ABAT: variants seen among roughly 807,000 people sequenced by gnomAD.
The protein encoded by ABAT is 4-aminobutyrate aminotransferase, mitochondrial.
A neutral mutation model predicts 64.6 loss-of-function variants in ABAT; 45 were observed. The observed-to-expected ratio is 0.70, with a 90% CI of 0.55 to 0.89. The LOEUF (loss-of-function observed/expected upper bound fraction) is 0.89, where lower values mean the gene tolerates loss of function less well. ABAT is among the 40% of genes least tolerant of loss of function. ABAT has a pLI of 0.00. For synonymous variants in ABAT, 297 were observed against 250.5 expected (o/e 1.19, Z -1.75); for missense variants, 633 against 658.4 (o/e 0.96, Z 0.42).
At chr16:8,765,120 C>A (rs915299458) in intron 8 of ABAT, among the ~76,000 whole-genome samples, 3 of 151,922 alleles carry the variant, frequency 2.0e-5, no homozygotes, top group Admixed American at 2.0e-4. Context: ...TCACTTGAGC[C>A]CAGGAGCTCG....
chr16:8,728,513 G>A (rs1160164760), intron 1 of ABAT, among the ~76,000 whole-genome samples: 1 of 152,026 alleles, frequency 6.6e-6, no homozygotes, highest in Non-Finnish European at 1.5e-5. Flanking sequence ...TTACTCTGTT[G>A]CTAAATTAAT....
At chr16:8,738,456 T>G in intron 2 of ABAT, 1 of 455,996 alleles carries the variant, frequency 2.2e-6, no homozygotes. Context: ...CCAATCCAGG[T>G]ACACACATTG....
intron 1 of ABAT, chr16:8,713,840 C>T (rs1459915140): frequency 2.2e-6 from 1 of 456,034 alleles, no homozygotes; most frequent in Admixed American, 2.3e-5. Context: ...GCTGAGCTCG[C>T]CGCAGGACTC....
chr16:8,721,703 G>A (rs1284757516), intron 1 of ABAT, among the ~76,000 whole-genome samples: 1 of 152,200 alleles, frequency 6.6e-6, no homozygotes, highest in Non-Finnish European at 1.5e-5. Flanking sequence ...TCTTTCTCCA[G>A]AGCAAATTGG....
At chr16:8,751,704 G>A (rs1030573821) in intron 5 of ABAT, among the ~76,000 whole-genome samples, 1 of 152,190 alleles carries the variant, frequency 6.6e-6, no homozygotes, top group Non-Finnish European at 1.5e-5. Context: ...TCCAGGCAAG[G>A]AGGCAGCTGG....
At chr16:8,750,387 G>A in intron 4 of ABAT, 35 bp from the exon 5 acceptor site, 1 of 1,538,892 alleles carries the variant, frequency 6.5e-7, no homozygotes, top group Non-Finnish European at 9.0e-7. Flanking sequence ...CTAGGGAGTG[G>A]CAGTGAGCCT....
intron 1 of ABAT, among the ~76,000 whole-genome samples, chr16:8,712,570 AG>A (rs1362836623): frequency 6.6e-6 from 1 of 152,180 alleles, no homozygotes; most frequent in Admixed American, 6.5e-5. Flanking sequence ...TTGGTCAAAA[AG>A]ATCCTTCCAG....
chr16:8,699,418 C>A (rs1174605069), intron 1 of ABAT, among the ~76,000 whole-genome samples: 1 of 152,048 alleles, frequency 6.6e-6, no homozygotes, highest in Non-Finnish European at 1.5e-5. Context: ...ATTAGCCAGG[C>A]ATGATAGCAG....
intron 12 of ABAT, among the ~76,000 whole-genome samples, chr16:8,774,584 G>C (rs543107852): frequency 1.3e-5 from 2 of 152,094 alleles, no homozygotes; most frequent in Non-Finnish European, 1.5e-5. Flanking sequence ...GTCGAGACCC[G>C]AGACTGAAGC....
At chr16:8,775,552 G>A (rs1047901421) in intron 13 of ABAT, among the ~76,000 whole-genome samples, 4 of 89,242 alleles carry the variant, frequency 4.5e-5, no homozygotes, top group Non-Finnish European at 9.1e-5. Context: ...ACTGCCATGT[G>A]TGCATACAGA....
intron 6 of ABAT, among the ~76,000 whole-genome samples, chr16:8,759,943 C>T (rs13331042): frequency 0.015 from 2,221 of 152,282 alleles, 58 homozygotes; most frequent in African/African-American, 0.051. Context: ...TGGGTGATTC[C>T]TCCTGGTGTG....
chr16:8,709,651 G>A (rs949310930), intron 1 of ABAT, among the ~76,000 whole-genome samples: 3 of 152,208 alleles, frequency 2.0e-5, no homozygotes, highest in Non-Finnish European at 4.4e-5. Flanking sequence ...TGGGATTACA[G>A]GCGTGAGCCA....
chr16:8,750,305 T>C, intron 4 of ABAT, 117 bp from the exon 5 acceptor site: 1 of 929,592 alleles, frequency 1.1e-6, no homozygotes, highest in Non-Finnish European at 1.8e-6. Flanking sequence ...CACAGATGCC[T>C]CTGTGTGTCC....
At chr16:8,697,259 T>G (rs576285591) in intron 1 of ABAT, among the ~76,000 whole-genome samples, 80 of 152,262 alleles carry the variant, frequency 5.3e-4, no homozygotes, top group Non-Finnish European at 3.1e-4. Context: ...TGGGAGGACT[T>G]GAGGTCATCA....
chr16:8,768,846 C>G lies in ABAT; in HGVS notation c.689C>G (p.Ser230Cys), dbSNP rs1281839939. 7 of 1,614,202 alleles carry G rather than the reference C, an allele frequency of 4.3e-6. No individual in the cohort carries two copies. The Admixed American group carries it at 5.0e-5, about 12-fold the overall frequency. ...RTMGCLATTH[S>C]KAIHKIDIPS... ...TCAGGTTGCTTAGCGACCACGCACT[C>G]TAAAGCCATTCACAAGATCGACATC... Residue 230 changes from serine (S) to cysteine (C), a missense_variant, in exon 11 of 16, where the codon TCT (serine) becomes TGT (cysteine). By Grantham distance (112) the Ser-to-Cys change is moderately radical. Transcript: ENST00000268251.
chr16:8,772,252 C>CTCTG lies in ABAT; in HGVS notation c.817-527_817-526insCTGT, dbSNP rs1207234339. Reference sequence around the variant, plus strand: ...ACTCTGCTGTATTTTCTCTCTGTCTCTGTGTGTGTGTGTGTGTGTGTGTGT... The same window carrying CTCTG: ...ACTCTGCTGTATTTTCTCTCTGTCTCTCTGTGTGTGTGTGTGTGTGTGTGTGTGT... On this transcript the variant is annotated intron_variant, in intron 11 of 15. Transcript: ENST00000268251. Among the ~76,000 whole-genome samples the CTCTG allele has an allele frequency of 1.5e-3, 219 of 147,956 alleles. 1 individual carries two copies. The highest frequency in any genetic ancestry group is 3.4e-3 in the Middle Eastern group (1 of 292).
At position 8,768,955 on chromosome 16, in the gene ABAT, G is replaced by C; in HGVS notation, c.798G>C (p.Glu266Asp). 1 of 1,614,164 alleles carries C rather than the reference G, an allele frequency of 6.2e-7. No individual in the cohort carries two copies. Among genetic ancestry groups the C allele is most frequent in the East Asian group, 2.2e-5 (1 of 44,870 alleles). The change falls in exon 11 of 16, where the codon GAG becomes GAC. Residue 266 changes from glutamate (E) to aspartate (D), a missense_variant. Glu to Asp is a conservative substitution (Grantham distance 45). Coordinates refer to ENST00000268251, the MANE Select transcript of ABAT (RefSeq NM_020686.6). ...EEFVKENQQE[E>D]ARCLEEVEDL... The stretch of plus-strand genomic sequence containing the variant: ...TTGTGAAAGAGAACCAACAGGAGGA[G>C]GCCCGCTGTCTGGAAGAGGTAATGC...
rs924138740 is a variant in ABAT, at chr16:8,681,158, A to AT, written c.-42+6454dup. Reference sequence around the variant, plus strand: ...ACACCTGGCTAATTTTTTAAAAAGCATTTTTTTGTTGTTGTTGAGATGGAG... The same window carrying AT: ...ACACCTGGCTAATTTTTTAAAAAGCATTTTTTTTGTTGTTGTTGAGATGGAG... On this transcript the variant is annotated intron_variant, in intron 1 of 15. Transcript: ENST00000268251. Among the ~76,000 whole-genome samples, 11 of 151,726 alleles carry AT rather than the reference A, an allele frequency of 7.2e-5. 1 individual carries two copies. The highest frequency in any genetic ancestry group is 5.3e-4 in the Admixed American group (8 of 15,226).
chr16:8,754,113 G>C (rs2059570221), intron 5 of ABAT, among the ~76,000 whole-genome samples: 1 of 134,764 alleles, frequency 7.4e-6, no homozygotes, highest in African/African-American at 2.8e-5. Context: ...GGGAAGCCAA[G>C]ACAGGAAAAT....
Sources: allele counts gnomAD v4.1 joint callset (sites outside exome capture counted in the v4.1 genomes callset), GRCh38; gene constraint gnomAD v4.1.1; transcripts MANE v1.5; gene names NCBI Gene and HGNC (gene_info 2026-07-23, HGNC 2026-07-21).